The following AMDHD2 variants were observed in gnomAD, a reference collection of about 807,000 sequenced individuals.
AMDHD2 encodes the protein amidohydrolase domain containing 2.
A neutral mutation model predicts 41.8 loss-of-function variants in AMDHD2; 24 were observed. The ratio of observed to expected loss-of-function variants is 0.57; its 90% confidence interval spans 0.42 to 0.81. AMDHD2 has a LOEUF of 0.81. Ranked by LOEUF, AMDHD2 falls within the 30% of genes least tolerant of loss-of-function variation. AMDHD2 has a pLI of 0.00. For missense variants in AMDHD2, 540 were observed against 588.5 expected (o/e 0.92, Z 0.85); for synonymous variants, 332 against 255.5 (o/e 1.30, Z -2.85).
rs750238685 is a variant in AMDHD2 at position 2,531,060 on chromosome 16, C to T, written c.*1497C>T. 11 of 1,592,484 alleles carry T rather than the reference C, an allele frequency of 6.9e-6. No individual in the cohort carries two copies. Among genetic ancestry groups the T allele is most frequent in the Non-Finnish European group, 9.4e-6 (11 of 1,165,236 alleles). On this transcript the variant is annotated 3_prime_UTR_variant, in exon 11 of 11. Coordinates refer to ENST00000293971, the MANE Select transcript of AMDHD2 (RefSeq NM_001330449.2). ...GTGCCCAGCTTGCTGGCTGTCAGTG[C>T]TTGATGTGCCCATCCTCAGCTAAAA...
chr16:2,530,887 C>G lies in AMDHD2; in HGVS notation c.*1324C>G. The G allele has an allele frequency of 1.2e-6, 2 of 1,613,634 alleles. No individual in the cohort carries two copies. The highest frequency in any genetic ancestry group is 8.5e-7 in the Non-Finnish European group (1 of 1,179,994). ...GTGTGAGGTGCAGGGATACCCACCT[C>G]TGCCTTGACGGCCGCGCACCCCTTA... On this transcript the variant is annotated 3_prime_UTR_variant, in exon 11 of 11. Coordinates refer to ENST00000293971, the MANE Select transcript of AMDHD2 (RefSeq NM_001330449.2).
Position 2,527,994 on chromosome 16 carries a change from C to A in AMDHD2, c.628+9C>A, listed in dbSNP as rs199793757. On this transcript the variant is annotated intron_variant, in intron 5 of 10. Coordinates refer to ENST00000293971, the MANE Select transcript of AMDHD2 (RefSeq NM_001330449.2). The surrounding 1 kb of genome is among the most constrained non-coding windows in gnomAD (Gnocchi z 6.1). ...CATCTGCGTGTCCCTAGGTGAGGGG[C>A]CGGCTCGGGGTGGGCCTGCTTGGGG... The A allele has an allele frequency of 2.5e-6, 4 of 1,607,020 alleles. No homozygotes were observed. In the Admixed American group the frequency reaches 5.0e-5, roughly 20 times the overall value.
chr16:2,525,715 T>C (rs749942844), intron 3 of AMDHD2, among the ~76,000 whole-genome samples: 32 of 152,238 alleles, frequency 2.1e-4, no homozygotes, highest in Middle Eastern at 3.4e-3. Context: ...CGGCTAATTT[T>C]TTGTATTTTT....
chr16:2,528,005 T>G lies in AMDHD2; in HGVS notation c.628+20T>G. The G allele has an allele frequency of 6.2e-7, 1 of 1,607,970 alleles. No individual in the cohort carries two copies. The highest frequency in any genetic ancestry group is 8.5e-7 in the Non-Finnish European group (1 of 1,178,780). On this transcript the variant is annotated intron_variant, in intron 5 of 10. Transcript: ENST00000293971. ...CCCTAGGTGAGGGGCCGGCTCGGGG[T>G]GGGCCTGCTTGGGGGACCTGGGCCA...
chr16:2,522,096 T>C (rs2065948476), intron 3 of AMDHD2, among the ~76,000 whole-genome samples: 1 of 152,096 alleles, frequency 6.6e-6, no homozygotes, highest in Admixed American at 6.5e-5. Context: ...TTTTTGTTAT[T>C]TTTAAGAGAC....
In AMDHD2 at chr16:2,529,742, C is replaced by T. The variant is rs2066060390; in HGVS notation, c.*179C>T. On this transcript the variant is annotated 3_prime_UTR_variant, in exon 11 of 11. Coordinates refer to ENST00000293971, the MANE Select transcript of AMDHD2 (RefSeq NM_001330449.2). ...GTGCACCCAGCAGGACTCGCCTTGG[C>T]TCCGGGTTTTGCTTGTGCTCACATG... 1.4e-6 allele frequency: 2 copies of T among 1,442,946 alleles called. No individual in the cohort carries two copies. Among genetic ancestry groups the T allele is most frequent in the Non-Finnish European group, 1.8e-6 (2 of 1,100,152 alleles). 89.4% of individuals were successfully genotyped at this position (1,442,946 alleles called of 1,614,324 possible). A position where few individuals can be genotyped will look rare whatever the true frequency, so the allele number is the denominator to read the frequency against.
intron 3 of AMDHD2, among the ~76,000 whole-genome samples, chr16:2,524,564 C>T (rs748199596): frequency 1.3e-5 from 2 of 152,234 alleles, no homozygotes; most frequent in Admixed American, 6.5e-5. Context: ...TGGAAAAACT[C>T]AGCCATTGTC....
intron 9 of AMDHD2, 125 bp downstream of exon 9, chr16:2,528,843 G>C: frequency 6.5e-7 from 1 of 1,539,198 alleles, no homozygotes; most frequent in Non-Finnish European, 8.8e-7. Flanking sequence ...TTGGGTACTT[G>C]GTGACTCAGG....
At position 2,531,133 on chromosome 16, in the gene AMDHD2, T is replaced by A. The variant is rs1232410816; in HGVS notation, c.*1570T>A. 6 of 1,521,682 alleles carry A rather than the reference T, an allele frequency of 3.9e-6. No individual in the cohort carries two copies. The highest frequency in any genetic ancestry group is 2.4e-4 in the Middle Eastern group (1 of 4,178). 94.3% of individuals were successfully genotyped at this position (1,521,682 alleles called of 1,614,324 possible). ...TCCCCACCTCAGACGGGACGCCCAG[T>A]CCAGAGCTGGTGAGCCCTGGGCCAG... On this transcript the variant is annotated 3_prime_UTR_variant, in exon 11 of 11. Coordinates refer to ENST00000293971, the MANE Select transcript of AMDHD2 (RefSeq NM_001330449.2).
chr16:2,524,578 TTTTG>T lies in AMDHD2; in HGVS notation c.361-2975_361-2972del, dbSNP rs954146366. Among the ~76,000 whole-genome samples the T allele has an allele frequency of 9.2e-5, 14 of 152,370 alleles. No individual in the cohort carries two copies. In the East Asian group the frequency reaches 9.6e-4, roughly 10 times the overall value. ...CTGGAAAAACTCAGCCATTGTCTTT[TTTTG>T]TTTGTTTTTTTCCTGTTTTAATCTT... On this transcript the variant is annotated intron_variant, in intron 3 of 10. Coordinates refer to ENST00000293971, the MANE Select transcript of AMDHD2 (RefSeq NM_001330449.2).
At position 2,530,229 on chromosome 16, in the gene AMDHD2, A is replaced by C. The variant is rs752744786; in HGVS notation, c.*666A>C. 6.3e-7 allele frequency: 1 copy of C among 1,576,066 alleles called. No homozygotes were observed. Among genetic ancestry groups the C allele is most frequent in the Non-Finnish European group, 8.6e-7 (1 of 1,161,130 alleles). Reference sequence around the variant, plus strand: ...ACCAGCGTTCTGTTTTCTCTTCTCAATAACCCTATCTCTTCACACATCCCC... The same window carrying C: ...ACCAGCGTTCTGTTTTCTCTTCTCACTAACCCTATCTCTTCACACATCCCC... On this transcript the variant is annotated 3_prime_UTR_variant, in exon 11 of 11. Coordinates refer to ENST00000293971, the MANE Select transcript of AMDHD2 (RefSeq NM_001330449.2).
intron 10 of AMDHD2, 145 bp downstream of exon 10, chr16:2,529,240 G>A: frequency 9.5e-7 from 1 of 1,056,200 alleles, no homozygotes; most frequent in Non-Finnish European, 1.3e-6. Context: ...AGCCTCAGTT[G>A]TAGCCCCGTG....
In AMDHD2 at chr16:2,527,825, C is replaced by T. The variant is rs751894033; in HGVS notation, c.468C>T (p.Pro156=). 2.9e-5 allele frequency: 47 copies of T among 1,593,766 alleles called. No individual in the cohort carries two copies. Among genetic ancestry groups the T allele is most frequent in the African/African-American group, 2.5e-4 (19 of 74,816 alleles). ...GCCGGGAGAAGCGGGGCGCGCACCC[C>T]GAGGCCCACCTCCGCTCCTTCGAGG... The part of the protein sequence containing the change: ...FISREKRGAH[P]EAHLRSFEAD... The change falls in exon 5 of 11, where the codon CCC becomes CCT. Residue 156 remains proline, a synonymous_variant. Transcript: ENST00000293971. The surrounding 1 kb of genome is among the most constrained non-coding windows in gnomAD (Gnocchi z 6.1).
intron 3 of AMDHD2, among the ~76,000 whole-genome samples, chr16:2,523,440 A>C (rs2065966913): frequency 6.6e-6 from 1 of 152,094 alleles, no homozygotes; most frequent in African/African-American, 2.4e-5. Context: ...TCCTGATGTC[A>C]TGTATCGGCT....
intron 9 of AMDHD2, 119 bp from the exon 10 acceptor site, chr16:2,528,872 CCAG>C: frequency 6.8e-7 from 1 of 1,475,662 alleles, no homozygotes; most frequent in Non-Finnish European, 9.2e-7. Context: ...GACAGGCAGA[CCAG>C]CAGGGTCCTT....
In AMDHD2 at chr16:2,531,403, AAG is replaced by A. The variant is rs1418163167; in HGVS notation, c.*1841_*1842del. 2.4e-5 allele frequency: 12 copies of A among 505,588 alleles called. No individual in the cohort carries two copies. In the Admixed American group the frequency reaches 3.2e-4, roughly 14 times the overall value. 31.3% of individuals were successfully genotyped at this position (505,588 alleles called of 1,614,324 possible). ...AAAATTGTGGTAAAATACATAACAA[AAG>A]TAACTATCGTAACCTGAGCAGTTCT... On this transcript the variant is annotated 3_prime_UTR_variant, in exon 11 of 11. Coordinates refer to ENST00000293971, the MANE Select transcript of AMDHD2 (RefSeq NM_001330449.2).
rs1946378837 is a variant in AMDHD2 at position 2,530,125 on chromosome 16, C to G, written c.*562C>G. Reference sequence around the variant, plus strand: ...AGGGCACAGTGCCAGGGGCTCCGCTCTGACCTCCAGGAGGGAGACTGGGCC... The same window carrying G: ...AGGGCACAGTGCCAGGGGCTCCGCTGTGACCTCCAGGAGGGAGACTGGGCC... On this transcript the variant is annotated 3_prime_UTR_variant, in exon 11 of 11. Coordinates refer to ENST00000293971, the MANE Select transcript of AMDHD2 (RefSeq NM_001330449.2). 1.5e-6 allele frequency: 2 copies of G among 1,333,388 alleles called. No homozygotes were observed. The highest frequency in any genetic ancestry group is 2.7e-5 in the Admixed American group (1 of 36,826). The allele number at this position is 1,333,388 out of a possible 1,614,324, so 82.6% of individuals were successfully genotyped here.
intron 2 of AMDHD2, 38 bp downstream of exon 2, chr16:2,520,943 G>A (rs202003505): frequency 5.1e-4 from 808 of 1,597,388 alleles, no homozygotes; most frequent in Non-Finnish European, 6.7e-4. Flanking sequence ...CAGGGGAGGA[G>A]CTCTGAGCTC....
chr16:2,530,833 G>C lies in AMDHD2; in HGVS notation c.*1270G>C. The C allele has an allele frequency of 6.2e-7, 1 of 1,613,794 alleles. No homozygotes were observed. Among genetic ancestry groups the C allele is most frequent in the Non-Finnish European group, 8.5e-7 (1 of 1,179,996 alleles). ...CCAGGGGCAGCCCAGGAAAGCAGGC[G>C]ACGGATGTGGATCCTGACCTCCTGA... On this transcript the variant is annotated 3_prime_UTR_variant, in exon 11 of 11. Coordinates refer to ENST00000293971, the MANE Select transcript of AMDHD2 (RefSeq NM_001330449.2).
Sources: allele counts gnomAD v4.1 joint callset (sites outside exome capture counted in the v4.1 genomes callset), GRCh38; gene constraint gnomAD v4.1.1; non-coding constraint Gnocchi (gnomAD v3.1); transcripts MANE v1.5; gene names NCBI Gene and HGNC (gene_info 2026-07-23, HGNC 2026-07-21).